GUCA1C: variants seen among roughly 807,000 people sequenced by gnomAD.
GUCA1C encodes guanylate cyclase activator 1C.
GUCA1C carries 15 observed loss-of-function variants against 16.2 expected under a neutral mutation model. The observed-to-expected ratio is 0.93, with a 90% CI of 0.62 to 1.43. GUCA1C has a LOEUF of 1.43. GUCA1C is among the 40% of genes most tolerant of loss of function. The probability of loss-of-function intolerance (pLI) is 0.00; values close to 1 mark genes in which losing one functional copy is unlikely to be tolerated. For synonymous variants in GUCA1C, 78 were observed against 85.4 expected (o/e 0.91, Z 0.48); for missense variants, 275 against 244.8 (o/e 1.12, Z -0.82).
intron 1 of GUCA1C, among the ~76,000 whole-genome samples, chr3:108,926,848 G>A (rs1047088237): frequency 1.3e-5 from 2 of 151,778 alleles, no homozygotes. Context: ...CTTTAAGGAG[G>A]TTCTATTTTG....
At chr3:108,955,027 T>C (rs1342167224), upstream of GUCA1C, among the ~76,000 whole-genome samples, 1 of 152,140 alleles carries the variant, frequency 6.6e-6, no homozygotes, top group Middle Eastern at 3.2e-3. Context: ...TCACCACACC[T>C]GGCCTACAGT....
intron 1 of GUCA1C, among the ~76,000 whole-genome samples, chr3:108,941,444 T>C (rs759013405): frequency 4.6e-4 from 70 of 152,342 alleles, no homozygotes; most frequent in South Asian, 2.3e-3. Flanking sequence ...GAAACCATTT[T>C]ACCTCCCTCT....
intron 1 of GUCA1C, among the ~76,000 whole-genome samples, chr3:108,932,274 G>A (rs1194217698): frequency 7.2e-6 from 1 of 139,758 alleles, no homozygotes; most frequent in African/African-American, 2.7e-5. Flanking sequence ...TTCCTTGCAT[G>A]AGAATCATAT....
chr3:108,921,409 C>G (rs910078077), intron 1 of GUCA1C, among the ~76,000 whole-genome samples: 1 of 152,140 alleles, frequency 6.6e-6, no homozygotes, highest in Non-Finnish European at 1.5e-5. Context: ...CTATAAATAT[C>G]TATGTGCAGA....
At chr3:108,937,920 A>T (rs1946744738) in intron 1 of GUCA1C, among the ~76,000 whole-genome samples, 1 of 152,000 alleles carries the variant, frequency 6.6e-6, no homozygotes, top group African/African-American at 2.4e-5. Flanking sequence ...AAAATACAAA[A>T]CTTAGCGGGG....
intron 1 of GUCA1C, among the ~76,000 whole-genome samples, chr3:108,942,239 C>A (rs1946793967): frequency 6.6e-6 from 1 of 152,158 alleles, no homozygotes; most frequent in Non-Finnish European, 1.5e-5. Flanking sequence ...GGGTGACTGG[C>A]ACAGAAGTGT....
At chr3:108,951,767 C>T (rs1196291153) in intron 1 of GUCA1C, among the ~76,000 whole-genome samples, 1 of 152,186 alleles carries the variant, frequency 6.6e-6, no homozygotes, top group Non-Finnish European at 1.5e-5. Context: ...AACTTCCAAG[C>T]CATCTAAATT....
chr3:108,942,365 G>T (rs1946795568), intron 1 of GUCA1C, among the ~76,000 whole-genome samples: 1 of 152,140 alleles, frequency 6.6e-6, no homozygotes, highest in Non-Finnish European at 1.5e-5. Context: ...AACCTCTGCT[G>T]CATCTTCTGA....
intron 1 of GUCA1C, among the ~76,000 whole-genome samples, chr3:108,952,866 C>CT (rs3842574): frequency 4.8e-4 from 71 of 148,038 alleles, no homozygotes; most frequent in East Asian, 9.9e-4. Flanking sequence ...TTTTGTCTCT[C>CT]TTTTTTTTTT....
upstream of GUCA1C, among the ~76,000 whole-genome samples, chr3:108,955,080 T>C (rs1946935031): frequency 6.6e-6 from 1 of 152,126 alleles, no homozygotes; most frequent in South Asian, 2.1e-4. Context: ...TATTTTCATT[T>C]TGGCCCAGCT....
chr3:108,915,284 T>C (rs1013108882), intron 3 of GUCA1C, among the ~76,000 whole-genome samples: 1 of 152,246 alleles, frequency 6.6e-6, no homozygotes, highest in Non-Finnish European at 1.5e-5. Flanking sequence ...TTTGGAATGA[T>C]GACAACTGTG....
intron 1 of GUCA1C, among the ~76,000 whole-genome samples, chr3:108,928,269 C>A (rs1324661166): frequency 1.3e-5 from 2 of 152,180 alleles, no homozygotes; most frequent in Non-Finnish European, 2.9e-5. Flanking sequence ...GCTAGTCCTG[C>A]CCCTCTCCAC....
intron 1 of GUCA1C, among the ~76,000 whole-genome samples, chr3:108,922,823 G>A (rs963371739): frequency 2.0e-5 from 3 of 151,848 alleles, no homozygotes; most frequent in Admixed American, 2.0e-4. Flanking sequence ...CCCTCCCCTA[G>A]CCCCCTACCC....
intron 3 of GUCA1C, among the ~76,000 whole-genome samples, chr3:108,915,054 C>A (rs572778637): frequency 1.5e-3 from 235 of 152,326 alleles, no homozygotes; most frequent in African/African-American, 5.4e-3. Context: ...AAATTTCTTT[C>A]TTGAGCAGTA....
At chr3:108,910,945 C>T (rs148342554) in intron 3 of GUCA1C, among the ~76,000 whole-genome samples, 4,249 of 152,146 alleles carry the variant, frequency 0.028, 195 homozygotes, top group African/African-American at 0.097. Context: ...CCACCGCACC[C>T]GGCCGACACA....
intron 1 of GUCA1C, among the ~76,000 whole-genome samples, chr3:108,942,353 T>C (rs925181818): frequency 1.3e-5 from 2 of 152,328 alleles, no homozygotes; most frequent in Non-Finnish European, 2.9e-5. Context: ...AGTCCATCGC[T>C]CAACCTCTGC....
At chr3:108,932,255 G>T (rs1251684988) in intron 1 of GUCA1C, among the ~76,000 whole-genome samples, 1 of 146,346 alleles carries the variant, frequency 6.8e-6, no homozygotes, top group African/African-American at 2.5e-5. Flanking sequence ...CCTGAGTGGG[G>T]TTCATAAATT....
At chr3:108,926,629 C>T (rs564939654) in intron 1 of GUCA1C, among the ~76,000 whole-genome samples, 19 of 152,100 alleles carry the variant, frequency 1.2e-4, no homozygotes, top group East Asian at 5.8e-4. Flanking sequence ...TACAGGTGCA[C>T]GCCACCACGC....
chr3:108,912,346 T>G (rs986674256), intron 3 of GUCA1C, among the ~76,000 whole-genome samples: 1 of 151,934 alleles, frequency 6.6e-6, no homozygotes, highest in African/African-American at 2.4e-5. Flanking sequence ...CTTCTGGTGG[T>G]AAAGCCTGCA....
Sources: gnomAD v4.1 joint callset for allele counts (sites outside exome capture counted in the v4.1 genomes callset) on GRCh38, gnomAD v4.1.1 for gene constraint, MANE v1.5 for transcripts, NCBI Gene and HGNC (gene_info 2026-07-23, HGNC 2026-07-21) for gene names.